Variants in OR5L1 observed in about 807,000 individuals in gnomAD.
OR5L1 encodes olfactory receptor family 5 subfamily L member 1.
For synonymous variants in OR5L1, 197 were observed against 146.6 expected (o/e 1.34, Z -2.49); for missense variants, 398 against 365.8 (o/e 1.09, Z -0.72).
rs1232756657 is a variant in OR5L1, at chr11:55,811,451, C to T, written c.-16C>T. The T allele has an allele frequency of 6.2e-7, 1 of 1,601,724 alleles. No individual in the cohort carries two copies. The highest frequency in any genetic ancestry group is 1.7e-5 in the Admixed American group (1 of 58,546). The stretch of plus-strand genomic sequence containing the variant: ...TTTTAAGTTTCTTTTCCTCCAATCT[C>T]ATATAAATTGGAGACATGGGCAAGG... On this transcript the variant is annotated 5_prime_UTR_variant, in exon 1 of 1. Transcript: ENST00000625203.
At position 55,811,805 on chromosome 11, in the gene OR5L1, C is replaced by T; in HGVS notation, c.339C>T (p.Phe113=). 1 of 1,614,032 alleles carries T rather than the reference C, an allele frequency of 6.2e-7. No individual in the cohort carries two copies. The highest frequency in any genetic ancestry group is 8.5e-7 in the Non-Finnish European group (1 of 1,180,032). ...GCACTTGTGTGGTCACTGAGGTCTT[C>T]CTGCTGGCCGTGATGGCCTATGACC... ...LFCTCVVTEV[F]LLAVMAYDRF... The change falls in exon 1 of 1, where the codon TTC becomes TTT. Residue 113 remains phenylalanine (F), a synonymous_variant. Coordinates refer to ENST00000625203, the MANE Select transcript of OR5L1 (RefSeq NM_001004738.2).
In OR5L1 at chr11:55,812,019, T is replaced by C. The variant is rs747510966; in HGVS notation, c.553T>C (p.Leu185=). 5 of 1,613,826 alleles carry C rather than the reference T, an allele frequency of 3.1e-6. No homozygotes were observed. In the African/African-American group the frequency reaches 4.0e-5, roughly 13 times the overall value. ...NHFFCDLPPV[L]SLACSDITVN... ...CTTTTTCTGTGATCTACCTCCTGTC[T>C]TAAGTCTTGCTTGCTCTGATATCAC... The change falls in exon 1 of 1, where the codon TTA becomes CTA. Residue 185 remains leucine (L), a synonymous_variant. Coordinates refer to ENST00000625203, the MANE Select transcript of OR5L1 (RefSeq NM_001004738.2).
rs1260620793 is a variant in OR5L1, at chr11:55,811,453, T to C, written c.-14T>C. 1.9e-6 allele frequency: 3 copies of C among 1,602,614 alleles called. No homozygotes were observed. The highest frequency in any genetic ancestry group is 2.6e-6 in the Non-Finnish European group (3 of 1,174,262). On this transcript the variant is annotated 5_prime_UTR_variant, in exon 1 of 1. Coordinates refer to ENST00000625203, the MANE Select transcript of OR5L1 (RefSeq NM_001004738.2). ...TTAAGTTTCTTTTCCTCCAATCTCATATAAATTGGAGACATGGGCAAGGAA... is the reference window on the plus strand; with the variant it reads ...TTAAGTTTCTTTTCCTCCAATCTCACATAAATTGGAGACATGGGCAAGGAA...
At position 55,812,030 on chromosome 11, in the gene OR5L1, T is replaced by G. The variant is rs564322431; in HGVS notation, c.564T>G (p.Ala188=). 210 of 1,614,008 alleles carry G rather than the reference T, an allele frequency of 1.3e-4. 5 individuals are homozygous for G. In the South Asian group the frequency reaches 2.3e-3, roughly 18 times the overall value. The change falls in exon 1 of 1, where the codon GCT becomes GCG. Residue 188 remains alanine (A), a synonymous_variant. Coordinates refer to ENST00000625203, the MANE Select transcript of OR5L1 (RefSeq NM_001004738.2). ...FCDLPPVLSL[A]CSDITVNETL... is the part of the protein sequence containing the mutation. The stretch of plus-strand genomic sequence containing the variant: ...ATCTACCTCCTGTCTTAAGTCTTGC[T>G]TGCTCTGATATCACTGTGAATGAGA...
Position 55,812,324 on chromosome 11 carries a change from C to G in OR5L1, c.858C>G (p.Asn286Lys). The G allele has an allele frequency of 6.2e-7, 1 of 1,613,924 alleles. No individual in the cohort carries two copies. Among genetic ancestry groups the G allele is most frequent in the Non-Finnish European group, 8.5e-7 (1 of 1,179,990 alleles). ...ACACAGTCGTGATTCCTATGCTGAA[C>G]TCTGTGATCTACAGCCTGAGAAATA... ...VFYTVVIPML[N>K]SVIYSLRNKD... Residue 286 changes from asparagine (N) to lysine (K), a missense_variant, in exon 1 of 1, where the codon AAC (asparagine) becomes AAG (lysine). Transcript: ENST00000625203.
Position 55,811,464 on chromosome 11 carries a change from G to T in OR5L1, c.-3G>T, listed in dbSNP as rs118108607. 2 of 1,608,514 alleles carry T rather than the reference G, an allele frequency of 1.2e-6. No individual in the cohort carries two copies. Among genetic ancestry groups the T allele is most frequent in the Non-Finnish European group, 1.7e-6 (2 of 1,177,082 alleles). On this transcript the variant is annotated 5_prime_UTR_variant, in exon 1 of 1. Coordinates refer to ENST00000625203, the MANE Select transcript of OR5L1 (RefSeq NM_001004738.2). Reference sequence around the variant, plus strand: ...TTCCTCCAATCTCATATAAATTGGAGACATGGGCAAGGAAAACTGCACCAC... The same window carrying T: ...TTCCTCCAATCTCATATAAATTGGATACATGGGCAAGGAAAACTGCACCAC...
rs918193257 is a variant in OR5L1 at position 55,812,473 on chromosome 11, G to A, written c.*71G>A. 3.9e-5 allele frequency: 41 copies of A among 1,040,182 alleles called. 1 individual carries two copies. In the African/African-American group the frequency reaches 6.5e-4, roughly 16 times the overall value. 64.4% of individuals were successfully genotyped at this position (1,040,182 alleles called of 1,614,324 possible). A position where few individuals can be genotyped will look rare whatever the true frequency, so the allele number is the denominator to read the frequency against. On this transcript the variant is annotated 3_prime_UTR_variant, in exon 1 of 1. Transcript: ENST00000625203. ...CGGGGGTTCACGGGAGAGGCACAGT[G>A]TTGGAGTACAGAGAAGAAGGAGCTC...
At position 55,811,729 on chromosome 11, in the gene OR5L1, A is replaced by G; in HGVS notation, c.263A>G (p.Lys88Arg). The G allele has an allele frequency of 6.2e-7, 1 of 1,614,098 alleles. No individual in the cohort carries two copies. Among genetic ancestry groups the G allele is most frequent in the Non-Finnish European group, 8.5e-7 (1 of 1,180,046 alleles). ...VPKMLANIFN[K>R]DKAISFLGCM... ...AAAATGTTGGCTAATATCTTTAACA[A>G]GGACAAAGCCATCTCCTTCCTAGGG... Residue 88 changes from lysine (K) to arginine (R), a missense_variant, in exon 1 of 1, where the codon AAG becomes AGG. Physicochemically the swap from Lys to Arg is conservative, Grantham distance 26. Transcript: ENST00000625203.
rs61732350 is a variant in OR5L1, at chr11:55,812,392, T to C, written c.926T>C (p.Ile309Thr). 5.8e-4 allele frequency: 933 copies of C among 1,602,696 alleles called. 7 individuals are homozygous for C. The African/African-American group carries it at 0.011, about 19-fold the overall frequency. Residue 309 changes from isoleucine (I) to threonine (T), a missense_variant, in exon 1 of 1, where the codon ATT becomes ACT. Physicochemically the swap from Ile to Thr is moderately conservative, Grantham distance 89 (BLOSUM62 -1). Transcript: ENST00000625203. ...CTCAGAAAAGTGATGGGCTCCAAAA[T>C]TCACTCCTAGGGAAGATTTTATTAG... ...EALRKVMGSKIHS is the reference protein window; with the variant it reads ...EALRKVMGSKTHS
rs369944210 is a variant in OR5L1 at position 55,811,952 on chromosome 11, A to G, written c.486A>G (p.Leu162=). The G allele has an allele frequency of 2.5e-6, 4 of 1,613,896 alleles. No individual in the cohort carries two copies. The highest frequency in any genetic ancestry group is 3.4e-6 in the Non-Finnish European group (4 of 1,180,000). ...GTVCSLIHLC[L]ALRIPFYRSN... ...TGTGTTCTCTGATTCATTTGTGCTT[A>G]GCTCTTAGGATCCCCTTCTATAGAT... Residue 162 remains leucine, a synonymous_variant, in exon 1 of 1, where the codon TTA becomes TTG. Coordinates refer to ENST00000625203, the MANE Select transcript of OR5L1 (RefSeq NM_001004738.2).
rs763833746 is a variant in OR5L1 at position 55,812,300 on chromosome 11, C to T, written c.834C>T (p.Tyr278=). 1.9e-6 allele frequency: 3 copies of T among 1,613,848 alleles called. No homozygotes were observed. Among genetic ancestry groups the T allele is most frequent in the South Asian group, 1.1e-5 (1 of 91,086 alleles). Residue 278 remains tyrosine (Y), a synonymous_variant, in exon 1 of 1, where the codon TAC becomes TAT. Coordinates refer to ENST00000625203, the MANE Select transcript of OR5L1 (RefSeq NM_001004738.2). ...GDADKVATVF[Y]TVVIPMLNSV... Reference sequence around the variant, plus strand: ...CTGACAAAGTGGCCACCGTGTTCTACACAGTCGTGATTCCTATGCTGAACT... The same window carrying T: ...CTGACAAAGTGGCCACCGTGTTCTATACAGTCGTGATTCCTATGCTGAACT...
rs1279835122 is a variant in OR5L1 at position 55,811,786 on chromosome 11, G to C, written c.320G>C (p.Cys107Ser). The change falls in exon 1 of 1, where the codon TGT (cysteine) becomes TCT (serine). Residue 107 changes from cysteine (C) to serine (S), a missense_variant. Coordinates refer to ENST00000625203, the MANE Select transcript of OR5L1 (RefSeq NM_001004738.2). Reference protein sequence around the residue: ...CMVQFYLFCTCVVTEVFLLAV... With the variant: ...CMVQFYLFCTSVVTEVFLLAV... ...GTGCAATTCTACTTGTTTTGCACTT[G>C]TGTGGTCACTGAGGTCTTCCTGCTG... is the stretch of plus-strand genomic sequence containing the variant. 1 of 1,614,010 alleles carries C rather than the reference G, an allele frequency of 6.2e-7. No homozygotes were observed. The highest frequency in any genetic ancestry group is 8.5e-7 in the Non-Finnish European group (1 of 1,180,018).
chr11:55,811,686 T>A lies in OR5L1; in HGVS notation c.220T>A (p.Ser74Thr). Residue 74 changes from serine (S) to threonine (T), a missense_variant, in exon 1 of 1, where the codon TCC becomes ACC. Ser to Thr is a moderately conservative substitution (Grantham distance 58). Coordinates refer to ENST00000625203, the MANE Select transcript of OR5L1 (RefSeq NM_001004738.2). Reference sequence around the variant, plus strand: ...CTTGTCCTCTGTAGATTTCTGCTACTCCTCAATAATTGTGCCAAAAATGTT... The same window carrying A: ...CTTGTCCTCTGTAGATTTCTGCTACACCTCAATAATTGTGCCAAAAATGTT... ...SHLSSVDFCY[S>T]SIIVPKMLAN... The A allele has an allele frequency of 6.2e-7, 1 of 1,614,088 alleles. No homozygotes were observed. Among genetic ancestry groups the A allele is most frequent in the Non-Finnish European group, 8.5e-7 (1 of 1,180,036 alleles).
rs747842768 is a variant in OR5L1, at chr11:55,811,901, T to C, written c.435T>C (p.Ala145=). The C allele has an allele frequency of 6.2e-7, 1 of 1,613,994 alleles. No individual in the cohort carries two copies. Among genetic ancestry groups the C allele is most frequent in the South Asian group, 1.1e-5 (1 of 91,080 alleles). ...TMSWKVRVEL[A]SCCYFCGTVC... Reference sequence around the variant, plus strand: ...CTTGGAAGGTGCGTGTGGAGCTGGCTTCTTGCTGCTACTTCTGTGGGACGG... The same window carrying C: ...CTTGGAAGGTGCGTGTGGAGCTGGCCTCTTGCTGCTACTTCTGTGGGACGG... The change falls in exon 1 of 1, where the codon GCT becomes GCC. Residue 145 remains alanine (A), a synonymous_variant. Transcript: ENST00000625203.
chr11:55,812,069 G>C lies in OR5L1; in HGVS notation c.603G>C (p.Leu201=), dbSNP rs150792242. 8 of 1,613,722 alleles carry C rather than the reference G, an allele frequency of 5.0e-6. No individual in the cohort carries two copies. In the African/African-American group the frequency reaches 6.7e-5, roughly 13 times the overall value. Residue 201 remains leucine (L), a synonymous_variant, in exon 1 of 1, where the codon CTG becomes CTC. Transcript: ENST00000625203. ...DITVNETLLF[L]VATLNESVTI... Reference sequence around the variant, plus strand: ...CTGTGAATGAGACACTGCTGTTCCTGGTGGCCACTTTGAATGAGAGTGTTA... The same window carrying C: ...CTGTGAATGAGACACTGCTGTTCCTCGTGGCCACTTTGAATGAGAGTGTTA...
At position 55,811,448 on chromosome 11, in the gene OR5L1, T is replaced by C. The variant is rs550734787; in HGVS notation, c.-19T>C. 1 of 1,597,240 alleles carries C rather than the reference T, an allele frequency of 6.3e-7. No individual in the cohort carries two copies. The highest frequency in any genetic ancestry group is 8.5e-7 in the Non-Finnish European group (1 of 1,171,970). Reference sequence around the variant, plus strand: ...AATTTTTAAGTTTCTTTTCCTCCAATCTCATATAAATTGGAGACATGGGCA... The same window carrying C: ...AATTTTTAAGTTTCTTTTCCTCCAACCTCATATAAATTGGAGACATGGGCA... On this transcript the variant is annotated 5_prime_UTR_variant, in exon 1 of 1. Transcript: ENST00000625203.
In OR5L1 at chr11:55,812,252, C is replaced by T; in HGVS notation, c.786C>T (p.Pro262=). 6.2e-7 allele frequency: 1 copy of T among 1,613,852 alleles called. No individual in the cohort carries two copies. The highest frequency in any genetic ancestry group is 8.5e-7 in the Non-Finnish European group (1 of 1,180,008). ...HGTVLSIYCR[P]SSGNSGDADK... ...CAGTCCTTTCCATTTATTGCAGGCC[C>T]AGTTCAGGCAATAGTGGAGATGCTG... The change falls in exon 1 of 1, where the codon CCC becomes CCT. Residue 262 remains proline (P), a synonymous_variant. Transcript: ENST00000625203.
chr11:55,811,979 T>C lies in OR5L1; in HGVS notation c.513T>C (p.Ser171=). 1 of 1,614,014 alleles carries C rather than the reference T, an allele frequency of 6.2e-7. No homozygotes were observed. The highest frequency in any genetic ancestry group is 8.5e-7 in the Non-Finnish European group (1 of 1,180,006). Residue 171 remains serine, a synonymous_variant, in exon 1 of 1, where the codon TCT becomes TCC. Transcript: ENST00000625203. The stretch of plus-strand genomic sequence containing the variant: ...CTCTTAGGATCCCCTTCTATAGATC[T>C]AATGTGATTAACCACTTTTTCTGTG... The part of the protein sequence containing the change: ...CLALRIPFYR[S]NVINHFFCDL...
In OR5L1 at chr11:55,812,100, A is replaced by G; in HGVS notation, c.634A>G (p.Met212Val). Residue 212 changes from methionine to valine, a missense_variant, in exon 1 of 1, where the codon ATG becomes GTG. Met to Val is a conservative substitution (Grantham distance 21). Coordinates refer to ENST00000625203, the MANE Select transcript of OR5L1 (RefSeq NM_001004738.2). The part of the protein sequence containing the change: ...VATLNESVTI[M>V]IILTSYLLIL... ...CACTTTGAATGAGAGTGTTACCATC[A>G]TGATCATCCTCACCTCCTACCTGCT... 1 of 1,613,990 alleles carries G rather than the reference A, an allele frequency of 6.2e-7. No individual in the cohort carries two copies. Among genetic ancestry groups the G allele is most frequent in the East Asian group, 2.2e-5 (1 of 44,864 alleles).
Sources: allele counts gnomAD v4.1 joint callset, GRCh38; gene constraint gnomAD v4.1.1; transcripts MANE v1.5; gene names NCBI Gene and HGNC (gene_info 2026-07-23, HGNC 2026-07-21).